The following CBLB variants were observed in gnomAD, a reference collection of about 807,000 sequenced individuals.
CBLB encodes E3 ubiquitin-protein ligase CBL-B.
CBLB carries 31 observed loss-of-function variants against 104.9 expected under a neutral mutation model. That is an observed-to-expected ratio of 0.30 (90% confidence interval 0.22 to 0.40). The LOEUF is 0.40. Among genes scored for constraint, CBLB ranks in the 10% least tolerant of loss-of-function variants. The pLI, the probability that CBLB is intolerant of heterozygous loss-of-function variation, is 1.00. For missense variants in CBLB, 1,062 were observed against 1,214.6 expected, an observed-to-expected ratio of 0.87 and a Z score of 1.87; for synonymous variants, 440 against 422.6, an observed-to-expected ratio of 1.04 and a Z score of -0.51.
intron 13 of CBLB, among the ~76,000 whole-genome samples, chr3:105,693,272 A>G (rs1257684036): frequency 1.3e-5 from 2 of 151,994 alleles, no homozygotes; most frequent in Non-Finnish European, 2.9e-5. Context: ...CTGTTGCTCT[A>G]TGTAACCTCA....
At chr3:105,868,155 G>A in intron 1 of CBLB, 1 of 1,178,852 alleles carries the variant, frequency 8.5e-7, no homozygotes, top group Non-Finnish European at 1.1e-6. Flanking sequence ...CACCAAGTAC[G>A]GACACACGAA....
At chr3:105,778,117 G>A (rs910411206) in intron 3 of CBLB, among the ~76,000 whole-genome samples, 4 of 151,836 alleles carry the variant, frequency 2.6e-5, no homozygotes, top group African/African-American at 7.3e-5. Context: ...GAGAGAGAGT[G>A]TGTGTGTGTG....
chr3:105,691,941 C>T (rs570262961), intron 13 of CBLB, among the ~76,000 whole-genome samples: 15 of 152,314 alleles, frequency 9.8e-5, no homozygotes, highest in African/African-American at 3.6e-4. Context: ...CTATAACAGC[C>T]TCTCCTCCAA....
chr3:105,784,987 T>C (rs1025786514), intron 3 of CBLB, among the ~76,000 whole-genome samples: 4 of 152,168 alleles, frequency 2.6e-5, no homozygotes, highest in Non-Finnish European at 5.9e-5. Flanking sequence ...TACGTCAAAA[T>C]ACCCACATGG....
chr3:105,710,525 AT>A (rs200721029), intron 10 of CBLB, among the ~76,000 whole-genome samples: 1,837 of 152,038 alleles, frequency 0.012, 13 homozygotes, highest in Middle Eastern at 0.031. Context: ...ATTTTAGGTG[AT>A]TCTCACATTT....
intron 3 of CBLB, among the ~76,000 whole-genome samples, chr3:105,803,499 A>T (rs2083140243): frequency 1.3e-5 from 2 of 152,174 alleles, no homozygotes; most frequent in Non-Finnish European, 1.5e-5. Flanking sequence ...AGTCAGTAAA[A>T]AGAAGCCTAA....
In CBLB at chr3:105,776,392, T is replaced by G; in HGVS notation, c.566+4A>C. On this transcript the variant is annotated splice_donor_region_variant and intron_variant, in intron 4 of 18. Transcript: ENST00000394030. ...CCACAGCTATAAAAATGATTTTTAC[T>G]TACTTGTCTCCAAAAAACTTTCTCC... 6.2e-7 allele frequency: 1 copy of G among 1,613,018 alleles called. No individual in the cohort carries two copies.
chr3:105,867,618 A>T (rs776553519), intron 1 of CBLB, 27 bp from the exon 2 acceptor site: 1 of 1,606,162 alleles, frequency 6.2e-7, no homozygotes, highest in East Asian at 2.2e-5. Flanking sequence ...TAAAAAAAGA[A>T]AAGTTAGTTG....
At position 105,770,357 on chromosome 3, in the gene CBLB, G is replaced by A. The variant is rs551520043; in HGVS notation, c.566+6039C>T. Among the ~76,000 whole-genome samples, 353 of 152,246 alleles carry A rather than the reference G, an allele frequency of 2.3e-3. No homozygotes were observed. In the Middle Eastern group the frequency reaches 0.034, roughly 15 times the overall value. ...CCCCACCAGGGAATCTGAAAATCCA[G>A]GCCACTGGAGAAGCCCTTCACCCTT... On this transcript the variant is annotated intron_variant, in intron 4 of 18. Transcript: ENST00000394030.
At chr3:105,821,260 ATATCTATCTATC>A (rs10660729) in intron 3 of CBLB, among the ~76,000 whole-genome samples, 5 of 149,518 alleles carry the variant, frequency 3.3e-5, no homozygotes, top group Non-Finnish European at 7.4e-5. Flanking sequence ...ATCTATATCT[ATATCTATCTATC>A]TATCTATCTA....
intron 10 of CBLB, among the ~76,000 whole-genome samples, chr3:105,707,427 C>A (rs1237465886): frequency 1.3e-5 from 2 of 151,836 alleles, no homozygotes; most frequent in African/African-American, 4.8e-5. Flanking sequence ...CACCAAACCT[C>A]ATTTTCCTGA....
chr3:105,843,588 C>T (rs529215606), intron 3 of CBLB, among the ~76,000 whole-genome samples: 5 of 151,780 alleles, frequency 3.3e-5, no homozygotes, highest in East Asian at 1.9e-4. Flanking sequence ...ACATTAAAAT[C>T]GGTAAGAATG....
At chr3:105,754,134 G>A (rs528435472) in intron 4 of CBLB, among the ~76,000 whole-genome samples, 1 of 152,164 alleles carries the variant, frequency 6.6e-6, no homozygotes, top group African/African-American at 2.4e-5. Flanking sequence ...GTAGGAGGTG[G>A]GGCTGGGGAA....
rs537290471 is a variant in CBLB, at chr3:105,720,574, TG to T, written c.1204-325del. ...AAGGCATTAGAGTCCTGAAGAAAAC[TG>T]GAAATTGAATCGTATCTCTCCTTAT... On this transcript the variant is annotated intron_variant, in intron 9 of 18. Transcript: ENST00000394030. Among the ~76,000 whole-genome samples, 208 of 152,334 alleles carry T rather than the reference TG, an allele frequency of 1.4e-3. 2 individuals carry two copies. Among genetic ancestry groups the T allele is most frequent in the African/African-American group, 4.8e-3 (198 of 41,588 alleles).
chr3:105,699,852 A>T (rs1198215582), intron 12 of CBLB, among the ~76,000 whole-genome samples: 1 of 152,182 alleles, frequency 6.6e-6, no homozygotes, highest in Non-Finnish European at 1.5e-5. Context: ...GAAATCTCAG[A>T]AGTCTAATTT....
intron 5 of CBLB, among the ~76,000 whole-genome samples, chr3:105,749,256 A>C (rs1314268509): frequency 6.6e-6 from 1 of 152,070 alleles, no homozygotes; most frequent in Non-Finnish European, 1.5e-5. Flanking sequence ...CGGGCTAACA[A>C]GAGTTCTTCA....
intron 4 of CBLB, among the ~76,000 whole-genome samples, chr3:105,772,041 A>T (rs1246472559): frequency 1.3e-5 from 2 of 152,162 alleles, no homozygotes; most frequent in African/African-American, 4.8e-5. Flanking sequence ...ATTCGTATGG[A>T]ACCAAAAAAG....
In CBLB at chr3:105,774,701, C is replaced by A. The variant is rs2079251376; in HGVS notation, c.566+1695G>T. On this transcript the variant is annotated intron_variant, in intron 4 of 18. Transcript: ENST00000394030. ...TAAATAAAGGGAAATAAAGATGTCT[C>A]AAATGCATAATTTTCTGTGGCTTGA... Among the ~76,000 whole-genome samples, 3 of 152,092 alleles carry A rather than the reference C, an allele frequency of 2.0e-5. No homozygotes were observed. In the South Asian group the frequency reaches 6.2e-4, roughly 32 times the overall value.
intron 3 of CBLB, among the ~76,000 whole-genome samples, chr3:105,804,961 C>A (rs1004452885): frequency 2.0e-5 from 3 of 152,130 alleles, no homozygotes; most frequent in Admixed American, 6.5e-5. Flanking sequence ...TTATCAGTTC[C>A]TCTTCTTCAC....
Sources: allele counts gnomAD v4.1 joint callset (sites outside exome capture counted in the v4.1 genomes callset), GRCh38; gene constraint gnomAD v4.1.1; transcripts MANE v1.5; gene names NCBI Gene and HGNC (gene_info 2026-07-23, HGNC 2026-07-21).